KAT2B: variants seen among roughly 807,000 people sequenced by gnomAD.
The protein encoded by KAT2B is lysine acetyltransferase 2B, also known as histone acetyltransferase KAT2B.
In KAT2B, 36 loss-of-function variants were observed where a neutral mutation model predicts 105.9. That is an observed-to-expected ratio of 0.34 (90% CI 0.26 to 0.45). The LOEUF (loss-of-function observed/expected upper bound fraction) is 0.45, where lower values mean the gene tolerates loss of function less well. KAT2B is among the 20% of genes least tolerant of loss of function. The pLI is 1.00. For synonymous variants in KAT2B, 397 were observed against 377.9 expected, an observed-to-expected ratio of 1.05 and a Z score of -0.59; for missense variants, 820 against 1,021.6, an observed-to-expected ratio of 0.80 and a Z score of 2.69.
At chr3:20,143,668 G>A (rs1288599623) in intron 13 of KAT2B, among the ~76,000 whole-genome samples, 2 of 152,158 alleles carry the variant, frequency 1.3e-5, no homozygotes, top group East Asian at 1.9e-4. Flanking sequence ...TAAAGAAAAT[G>A]TAGTACATAT....
chr3:20,135,538 C>T (rs1004031263), intron 11 of KAT2B, among the ~76,000 whole-genome samples: 39 of 151,892 alleles, frequency 2.6e-4, no homozygotes, highest in African/African-American at 8.5e-4. Flanking sequence ...CCTGTAGTCC[C>T]AGTTATTCGG....
At chr3:20,057,723 T>C (rs2948087) in intron 1 of KAT2B, among the ~76,000 whole-genome samples, 11,158 of 152,184 alleles carry the variant, frequency 0.073, 464 homozygotes, top group East Asian at 0.19. Flanking sequence ...TCAGGGGTAA[T>C]GCATGCTTAG....
At chr3:20,114,854 A>T (rs766728301) in intron 6 of KAT2B, 28 bp from the exon 7 acceptor site, 11 of 1,302,378 alleles carry the variant, frequency 8.4e-6, no homozygotes, top group Admixed American at 3.7e-5. Context: ...TTTTTTTTTA[A>T]TCTTATTGCT....
chr3:20,109,491 A>G (rs772392527), intron 5 of KAT2B, among the ~76,000 whole-genome samples: 1 of 152,046 alleles, frequency 6.6e-6, no homozygotes, highest in Non-Finnish European at 1.5e-5. Flanking sequence ...TGATTTTTAA[A>G]CTTTTTGTAG....
At chr3:20,121,960 A>G (rs964919730) in intron 8 of KAT2B, among the ~76,000 whole-genome samples, 29 of 152,286 alleles carry the variant, frequency 1.9e-4, no homozygotes, top group African/African-American at 7.0e-4. Flanking sequence ...TTACATAGCA[A>G]TAACTAACCA....
chr3:20,101,672 A>G (rs1214540228), intron 5 of KAT2B, among the ~76,000 whole-genome samples: 5 of 152,212 alleles, frequency 3.3e-5, no homozygotes, highest in Non-Finnish European at 7.3e-5. Flanking sequence ...TAAATCATCT[A>G]TACCCAGTGT....
chr3:20,048,911 G>C (rs888635646), intron 1 of KAT2B, among the ~76,000 whole-genome samples: 1 of 151,840 alleles, frequency 6.6e-6, no homozygotes, highest in African/African-American at 2.4e-5. Flanking sequence ...TTGCTCTGTC[G>C]CCAGGCTGGA....
At position 20,153,993 on chromosome 3, in the gene KAT2B, T is replaced by C. The variant is rs1420156771; in HGVS notation, c.*1468T>C. Reference sequence around the variant, plus strand: ...ATATTCAGAATGCTCACACTGAAAATGCCTCAACTTTTTAAAGTGTAAGAA... The same window carrying C: ...ATATTCAGAATGCTCACACTGAAAACGCCTCAACTTTTTAAAGTGTAAGAA... On this transcript the variant is annotated 3_prime_UTR_variant, in exon 18 of 18. Transcript: ENST00000263754. 1 of 152,580 alleles carries C rather than the reference T, an allele frequency of 6.6e-6. No homozygotes were observed. The highest frequency in any genetic ancestry group is 1.5e-5 in the Non-Finnish European group (1 of 68,020). 9.5% of individuals were successfully genotyped at this position (152,580 alleles called of 1,614,324 possible).
chr3:20,134,359 G>T (rs1699563504), intron 11 of KAT2B, among the ~76,000 whole-genome samples: 1 of 152,094 alleles, frequency 6.6e-6, no homozygotes, highest in South Asian at 2.1e-4. Flanking sequence ...TTACCACCTT[G>T]ATTATGGTCT....
chr3:20,147,028 A>C (rs550884143), intron 14 of KAT2B, among the ~76,000 whole-genome samples: 1 of 152,224 alleles, frequency 6.6e-6, no homozygotes. Flanking sequence ...TGTATGTTAG[A>C]GTTGAGTTGT....
chr3:20,057,684 A>G (rs1698024506), intron 1 of KAT2B, among the ~76,000 whole-genome samples: 1 of 152,198 alleles, frequency 6.6e-6, no homozygotes, highest in African/African-American at 2.4e-5. Context: ...TCTAGGCCCC[A>G]GTGTCACCCA....
intron 13 of KAT2B, among the ~76,000 whole-genome samples, chr3:20,145,942 C>T (rs1372921314): frequency 6.6e-6 from 1 of 152,156 alleles, no homozygotes; most frequent in African/African-American, 2.4e-5. Context: ...GGTTCTGTCA[C>T]TTGACTGAGT....
At chr3:20,075,580 C>G (rs1698403868) in intron 2 of KAT2B, among the ~76,000 whole-genome samples, 1 of 152,200 alleles carries the variant, frequency 6.6e-6, no homozygotes, top group Non-Finnish European at 1.5e-5. Flanking sequence ...CATCATACCC[C>G]TTCCTTGGTT....
rs142548774 is a variant in KAT2B, at chr3:20,140,325, G to A, written c.1965G>A (p.Pro655=). ...GATGTGAGCTAAATCCACGGATCCC[G>A]TACACAGAATTTTCTGTCATCATTA... ...LMGCELNPRI[P]YTEFSVIIKK... Residue 655 remains proline (P), a synonymous_variant, in exon 13 of 18, where the codon CCG becomes CCA. Transcript: ENST00000263754. The A allele has an allele frequency of 3.5e-5, 57 of 1,613,652 alleles. No individual in the cohort carries two copies. Among genetic ancestry groups the A allele is most frequent in the Admixed American group, 1.8e-4 (11 of 59,998 alleles).
rs1698341646 is a variant in KAT2B at position 20,072,414 on chromosome 3, A to T, written c.385A>T (p.Ile129Phe). The T allele has an allele frequency of 1.9e-6, 3 of 1,613,898 alleles. No individual in the cohort carries two copies. Reference protein sequence around the residue: ...TPPRADLQQIIVSLTESCRSC... With the variant: ...TPPRADLQQIFVSLTESCRSC... ...CCCCAGAGCCGACCTGCAGCAAATA[A>T]TTGTCAGTCTAACAGAATCCTGTCG... Residue 129 changes from isoleucine (I) to phenylalanine (F), a missense_variant, in exon 2 of 18, where the codon ATT (isoleucine) becomes TTT (phenylalanine). Ile to Phe is a conservative substitution (Grantham distance 21, BLOSUM62 0). This residue lies in a region of KAT2B where 190 missense variants were observed against 176.7 expected (regional missense o/e 1.08). Coordinates refer to ENST00000263754, the MANE Select transcript of KAT2B (RefSeq NM_003884.5).
At chr3:20,129,727 C>A (rs983237999) in intron 11 of KAT2B, among the ~76,000 whole-genome samples, 4 of 152,170 alleles carry the variant, frequency 2.6e-5, no homozygotes, top group Non-Finnish European at 5.9e-5. Flanking sequence ...TAACACATCT[C>A]AATTTAGACA....
chr3:20,095,175 C>G (rs149320266), intron 2 of KAT2B, 88 bp from the exon 3 acceptor site: 1 of 1,063,644 alleles, frequency 9.4e-7, no homozygotes, highest in Non-Finnish European at 1.4e-6. Flanking sequence ...GATGGTAAGA[C>G]TGATGAAAGA....
intron 2 of KAT2B, among the ~76,000 whole-genome samples, chr3:20,090,365 A>G (rs1275467980): frequency 2.6e-5 from 4 of 152,190 alleles, no homozygotes; most frequent in Non-Finnish European, 4.4e-5. Flanking sequence ...GTGTTGAGGT[A>G]CAGCACATTC....
intron 4 of KAT2B, among the ~76,000 whole-genome samples, chr3:20,100,618 G>A (rs1055286888): frequency 3.3e-5 from 5 of 152,024 alleles, no homozygotes; most frequent in African/African-American, 4.8e-5. Context: ...AAAAATAAAT[G>A]CATTTTTATC....
Sources: gnomAD v4.1 joint callset for allele counts (sites outside exome capture counted in the v4.1 genomes callset) on GRCh38, gnomAD v4.1.1 for gene constraint, gnomAD v4.1.1 regional missense constraint, MANE v1.5 for transcripts, NCBI Gene and HGNC (gene_info 2026-07-23, HGNC 2026-07-21) for gene names.